The following HLTF variants were observed in gnomAD, a reference collection of about 807,000 sequenced individuals.
The protein encoded by HLTF is helicase like transcription factor.
Under a neutral mutation model 129.4 loss-of-function variants are expected in HLTF, and 127 were observed. The observed-to-expected ratio is 0.98, with a 90% confidence interval of 0.85 to 1.14. The LOEUF (loss-of-function observed/expected upper bound fraction) is 1.14, where lower values mean the gene tolerates loss of function less well. Among genes scored for constraint, HLTF ranks in the 50% most tolerant of loss-of-function variants. The pLI is 0.00. For missense variants in HLTF, 1,139 were observed against 1,187.1 expected, an observed-to-expected ratio of 0.96 and a Z score of 0.60; for synonymous variants, 332 against 388.8, an observed-to-expected ratio of 0.85 and a Z score of 1.72.
At chr3:149,060,916 AC>A in intron 10 of HLTF, 58 bp from the exon 11 acceptor site, 1 of 1,117,424 alleles carries the variant, frequency 8.9e-7, no homozygotes. Context: ...AATAAGATAT[AC>A]AAACATGTTT....
chr3:149,085,542 G>C (rs1253013261), intron 1 of HLTF, among the ~76,000 whole-genome samples: 1 of 152,144 alleles, frequency 6.6e-6, no homozygotes, highest in Non-Finnish European at 1.5e-5. Context: ...TAGGGATTGA[G>C]CTATATAAAA....
chr3:149,040,738 T>C lies in HLTF; in HGVS notation c.2377-582A>G, dbSNP rs150436914. Among the ~76,000 whole-genome samples the C allele has an allele frequency of 5.0e-3, 760 of 152,078 alleles. 6 individuals are homozygous for C. Among genetic ancestry groups the C allele is most frequent in the African/African-American group, 0.016 (682 of 41,486 alleles). ...TAAAATTATTTAAAAGTCAATACAG[T>C]GGGGTTACTTTTGGGGAAGAGGGAG... is the stretch of plus-strand genomic sequence containing the variant. On this transcript the variant is annotated intron_variant, in intron 20 of 24. Coordinates refer to ENST00000310053, the MANE Select transcript of HLTF (RefSeq NM_003071.4).
chr3:149,048,117 GGAAA>G lies in HLTF; in HGVS notation c.1799_1802del (p.Leu600ProfsTer3). ...CAATAAATGGTTTAAGTTTTAAAAAGGAAAGAAGAGACCACAAGTCCTTTAAAGA... is the reference window on the plus strand; with the variant it reads ...CAATAAATGGTTTAAGTTTTAAAAAGGAAGAGACCACAAGTCCTTTAAAGA... On this transcript the variant is annotated frameshift_variant, in exon 17 of 25. Transcript: ENST00000310053. LOFTEE classifies it high-confidence loss of function. 1.2e-6 allele frequency: 2 copies of G among 1,612,462 alleles called. No individual in the cohort carries two copies. Among genetic ancestry groups the G allele is most frequent in the Non-Finnish European group, 1.7e-6 (2 of 1,179,076 alleles).
intron 5 of HLTF, 72 bp downstream of exon 5, chr3:149,073,153 C>G: frequency 1.1e-6 from 1 of 935,746 alleles, no homozygotes; most frequent in Non-Finnish European, 1.7e-6. Context: ...ACATATTCAT[C>G]CTGTTCTTTT....
At chr3:149,049,293 C>G (rs1716798183) in intron 15 of HLTF, among the ~76,000 whole-genome samples, 1 of 152,154 alleles carries the variant, frequency 6.6e-6, no homozygotes, top group African/African-American at 2.4e-5. Flanking sequence ...GTCTAGCTCT[C>G]TGTTGAGTCA....
intron 21 of HLTF, 64 bp downstream of exon 21, chr3:149,039,967 C>A: frequency 7.3e-7 from 1 of 1,374,914 alleles, no homozygotes; most frequent in Non-Finnish European, 1.0e-6. Context: ...TTTTGATATA[C>A]TGTGTATATT....
intron 2 of HLTF, among the ~76,000 whole-genome samples, chr3:149,081,272 A>G (rs2108072087): frequency 1.3e-5 from 2 of 151,780 alleles, no homozygotes; most frequent in Non-Finnish European, 2.9e-5. Context: ...CACTAAAAAA[A>G]AAAAAACAAA....
intron 18 of HLTF, 133 bp downstream of exon 18, chr3:149,045,947 C>G (rs1716512994): frequency 1.7e-6 from 1 of 599,140 alleles, no homozygotes; most frequent in East Asian, 3.2e-5. Flanking sequence ...GTAAAAAACA[C>G]TGTAATTCAT....
intron 7 of HLTF, among the ~76,000 whole-genome samples, chr3:149,069,472 G>GAA (rs36037300): frequency 0.35 from 42,448 of 122,346 alleles, 6,191 homozygotes; most frequent in East Asian, 0.38. Flanking sequence ...TCCATCTCAA[G>GAA]AAAAAAAAAA....
chr3:149,041,557 G>GGTT lies in HLTF; in HGVS notation c.2308_2309insAAC (p.Val769_Pro770insGln). 6.2e-7 allele frequency: 1 copy of GGTT among 1,613,110 alleles called. No individual in the cohort carries two copies. Among genetic ancestry groups the GGTT allele is most frequent in the Non-Finnish European group, 8.5e-7 (1 of 1,179,258 alleles). The stretch of plus-strand genomic sequence containing the variant: ...TACATGTGCACAATGTGTTATCACA[G>GGTT]GAACTGTTAAAGAATCCAGGCAAAT... On this transcript the variant is annotated inframe_insertion, in exon 20 of 25. Coordinates refer to ENST00000310053, the MANE Select transcript of HLTF (RefSeq NM_003071.4).
rs1398631511 is a variant in HLTF, at chr3:149,041,565, T to TA, written c.2300dup (p.Leu767PhefsTer15). On this transcript the variant is annotated frameshift_variant, in exon 20 of 25. Coordinates refer to ENST00000310053, the MANE Select transcript of HLTF (RefSeq NM_003071.4). LOFTEE classifies it high-confidence loss of function. ...CACAATGTGTTATCACAGGAACTGT[T>TA]AAAGAATCCAGGCAAATTGCACATT... 1.2e-6 allele frequency: 2 copies of TA among 1,613,000 alleles called. No homozygotes were observed. The highest frequency in any genetic ancestry group is 1.7e-6 in the Non-Finnish European group (2 of 1,179,222).
intron 2 of HLTF, among the ~76,000 whole-genome samples, chr3:149,083,299 A>G (rs1383440497): frequency 6.6e-6 from 1 of 152,112 alleles, no homozygotes; most frequent in African/African-American, 2.4e-5. Context: ...ATTATAAAAT[A>G]AATGATATCT....
rs746821765 is a variant in HLTF, at chr3:149,039,181, C to T, written c.2664G>A (p.Lys888=). 2 of 1,608,912 alleles carry T rather than the reference C, an allele frequency of 1.2e-6. No homozygotes were observed. The highest frequency in any genetic ancestry group is 2.7e-5 in the African/African-American group (2 of 74,602). The change falls in exon 23 of 25, where the codon AAG becomes AAA. Residue 888 remains lysine (K), a synonymous_variant. Transcript: ENST00000310053. The part of the protein sequence containing the change: ...FTRLDGSMAQ[K]KRVESIQCFQ... ...AACACTGAATTGATTCAACTCTTTT[C>T]TTTTGGGCCATGGAACCATCCAAAC...
intron 8 of HLTF, among the ~76,000 whole-genome samples, chr3:149,067,554 G>A (rs934710760): frequency 6.6e-6 from 1 of 152,004 alleles, no homozygotes; most frequent in Non-Finnish European, 1.5e-5. Context: ...TGAAGGTGGA[G>A]TGCAATAGTG....
intron 14 of HLTF, among the ~76,000 whole-genome samples, chr3:149,054,086 G>A (rs141544440): frequency 7.2e-5 from 11 of 151,912 alleles, no homozygotes; most frequent in East Asian, 1.9e-4. Flanking sequence ...TTCATGTCAC[G>A]GAAAAAAAGA....
rs1431960148 is a variant in HLTF, at chr3:149,084,790, T to C, written c.120A>G (p.Gln40=). Residue 40 remains glutamine (Q), a synonymous_variant, in exon 2 of 25, where the codon CAA becomes CAG. Transcript: ENST00000310053. ...GAAAGTCATCTGGAGGGATAACATCTTGGAATTCAAAACGTGGAAAGAAAG... is the reference window on the plus strand; with the variant it reads ...GAAAGTCATCTGGAGGGATAACATCCTGGAATTCAAAACGTGGAAAGAAAG... ...YPTFFPRFEF[Q]DVIPPDDFLT... The C allele has an allele frequency of 3.7e-6, 6 of 1,613,960 alleles. No homozygotes were observed. Among genetic ancestry groups the C allele is most frequent in the Non-Finnish European group, 5.1e-6 (6 of 1,179,928 alleles).
chr3:149,071,577 C>A lies in HLTF; in HGVS notation c.702+6G>T. 1 of 1,575,184 alleles carries A rather than the reference C, an allele frequency of 6.3e-7. No individual in the cohort carries two copies. The highest frequency in any genetic ancestry group is 1.1e-5 in the South Asian group (1 of 88,306). The stretch of plus-strand genomic sequence containing the variant: ...TAGTCTTAAATAAAAAATATTGGTT[C>A]AATACCTCAGCTGGTTCCATTTCAT... On this transcript the variant is annotated splice_donor_region_variant and intron_variant, in intron 6 of 24. Transcript: ENST00000310053.
intron 24 of HLTF, among the ~76,000 whole-genome samples, chr3:149,032,932 C>T (rs1163104532): frequency 7.2e-6 from 1 of 139,678 alleles, no homozygotes; most frequent in Non-Finnish European, 1.5e-5. Context: ...CACTGCACTC[C>T]AGCCTGGGTG....
chr3:149,071,351 T>C lies in HLTF; in HGVS notation c.795A>G (p.Glu265=). ...ENSKELPPFW[E]QRNDLYYNTI... is the part of the protein sequence containing the mutation. The stretch of plus-strand genomic sequence containing the variant: ...TGTTATAGTATAAGTCATTTCGCTG[T>C]TCCCAGAATGGTGGAAGTTCTTTGC... Residue 265 remains glutamate, a synonymous_variant, in exon 7 of 25, where the codon GAA becomes GAG. Transcript: ENST00000310053. 6.2e-7 allele frequency: 1 copy of C among 1,613,040 alleles called. No individual in the cohort carries two copies. Among genetic ancestry groups the C allele is most frequent in the Non-Finnish European group, 8.5e-7 (1 of 1,179,006 alleles).
Sources: allele counts gnomAD v4.1 joint callset (sites outside exome capture counted in the v4.1 genomes callset), GRCh38; gene constraint gnomAD v4.1.1; transcripts MANE v1.5; gene names NCBI Gene and HGNC (gene_info 2026-07-23, HGNC 2026-07-21).